The following TBC1D9 variants were observed in gnomAD, a reference collection of about 807,000 sequenced individuals.
TBC1D9 encodes the protein TBC1 domain family member 9.
In TBC1D9, 63 loss-of-function variants were observed where a neutral mutation model predicts 132.0. The observed-to-expected ratio is 0.48, with a 90% confidence interval of 0.39 to 0.59. The LOEUF is 0.59. TBC1D9 is among the 20% of genes least tolerant of loss of function. TBC1D9 has a pLI of 0.00. For missense variants in TBC1D9, 1,261 were observed against 1,592.7 expected, an observed-to-expected ratio of 0.79 and a Z score of 3.54; for synonymous variants, 610 against 609.9, an observed-to-expected ratio of 1.00 and a Z score of 0.00.
At chr4:140,728,613 C>T (rs1738536023) in intron 1 of TBC1D9, among the ~76,000 whole-genome samples, 1 of 152,014 alleles carries the variant, frequency 6.6e-6, no homozygotes, top group Non-Finnish European at 1.5e-5. Flanking sequence ...TGTGCCTCAG[C>T]CTCGCGAGTA....
intron 13 of TBC1D9, among the ~76,000 whole-genome samples, chr4:140,651,675 T>C (rs1049135917): frequency 6.6e-6 from 1 of 152,184 alleles, no homozygotes; most frequent in Non-Finnish European, 1.5e-5. Context: ...ATTTATCTGT[T>C]AGAGATACAT....
chr4:140,627,916 G>T (rs545435083), intron 17 of TBC1D9, among the ~76,000 whole-genome samples: 2 of 152,248 alleles, frequency 1.3e-5, no homozygotes, highest in Non-Finnish European at 2.9e-5. Context: ...TTGCTAGATA[G>T]ATCCCAGCTG....
In TBC1D9 at chr4:140,622,712, A is replaced by T; in HGVS notation, c.3284T>A (p.Leu1095His). The change falls in exon 21 of 21, where the codon CTC (leucine) becomes CAC (histidine). Residue 1095 changes from leucine to histidine, a missense_variant. This residue lies in a region of TBC1D9 where 618 missense variants were observed against 724.4 expected (regional missense o/e 0.85). Transcript: ENST00000442267. ...PSCHQGIPGV[L>H]FPKKGPGQPY... Reference sequence around the variant, plus strand: ...CTGGCCTGGCCCTTTCTTGGGGAAGAGCACGCCTGGGATGCCCTGGTGGCA... The same window carrying T: ...CTGGCCTGGCCCTTTCTTGGGGAAGTGCACGCCTGGGATGCCCTGGTGGCA... 6.2e-7 allele frequency: 1 copy of T among 1,610,812 alleles called. No individual in the cohort carries two copies. The highest frequency in any genetic ancestry group is 8.5e-7 in the Non-Finnish European group (1 of 1,179,562).
At chr4:140,652,992 A>C (rs1737210039) in intron 13 of TBC1D9, among the ~76,000 whole-genome samples, 1 of 152,138 alleles carries the variant, frequency 6.6e-6, no homozygotes. Flanking sequence ...GCCTTCCAGG[A>C]GGGGCATCTC....
chr4:140,647,452 T>A (rs1737120006), intron 13 of TBC1D9, among the ~76,000 whole-genome samples: 1 of 152,228 alleles, frequency 6.6e-6, no homozygotes, highest in Non-Finnish European at 1.5e-5. Context: ...ATTCAAATTA[T>A]TGTTCTTTGA....
intron 1 of TBC1D9, among the ~76,000 whole-genome samples, chr4:140,727,195 T>A (rs1321848877): frequency 2.0e-5 from 3 of 152,050 alleles, no homozygotes; most frequent in African/African-American, 7.2e-5. Flanking sequence ...CCATAATGAG[T>A]TACCATCTAA....
intron 13 of TBC1D9, chr4:140,643,261 T>A (rs1450662539): frequency 7.7e-7 from 1 of 1,302,360 alleles, no homozygotes; most frequent in Non-Finnish European, 1.1e-6. Context: ...AGCTCTGCGA[T>A]CTCGCTCAGC....
chr4:140,642,247 C>T, intron 13 of TBC1D9: 1 of 718,194 alleles, frequency 1.4e-6, no homozygotes, highest in East Asian at 2.6e-5. Context: ...TCCTCTGAGT[C>T]TGTATTGTAA....
At chr4:140,657,349 G>A in intron 12 of TBC1D9, 123 bp from the exon 13 acceptor site, 3 of 1,369,306 alleles carry the variant, frequency 2.2e-6, no homozygotes, top group Admixed American at 4.8e-5. Context: ...TTTAAAGATG[G>A]AAAGAGAGAA....
chr4:140,752,902 A>T (rs142595649), intron 1 of TBC1D9, among the ~76,000 whole-genome samples: 2 of 152,138 alleles, frequency 1.3e-5, no homozygotes, highest in South Asian at 2.1e-4. Flanking sequence ...TTCCCTACTC[A>T]TCTGTCATCT....
rs780834023 is a variant in TBC1D9 at position 140,622,717 on chromosome 4, G to T, written c.3279C>A (p.Gly1093=). 1.2e-6 allele frequency: 2 copies of T among 1,610,040 alleles called. No individual in the cohort carries two copies. The part of the protein sequence containing the change: ...SGPSCHQGIP[G]VLFPKKGPGQ... The stretch of plus-strand genomic sequence containing the variant: ...CTGGCCCTTTCTTGGGGAAGAGCAC[G>T]CCTGGGATGCCCTGGTGGCAGGACG... Residue 1093 remains glycine, a synonymous_variant, in exon 21 of 21, where the codon GGC becomes GGA. Coordinates refer to ENST00000442267, the MANE Select transcript of TBC1D9 (RefSeq NM_015130.3).
intron 1 of TBC1D9, among the ~76,000 whole-genome samples, chr4:140,745,826 T>C (rs1474819684): frequency 6.6e-6 from 1 of 152,152 alleles, no homozygotes; most frequent in Non-Finnish European, 1.5e-5. Flanking sequence ...GTTGCAACTT[T>C]ACTAATACAG....
chr4:140,717,575 A>G (rs576385598), intron 1 of TBC1D9, among the ~76,000 whole-genome samples: 1 of 152,340 alleles, frequency 6.6e-6, no homozygotes, highest in East Asian at 1.9e-4. Flanking sequence ...CTTCACTTTC[A>G]GCTGAAAATG....
intron 1 of TBC1D9, among the ~76,000 whole-genome samples, chr4:140,711,486 A>T (rs1346838830): frequency 6.6e-6 from 1 of 152,136 alleles, no homozygotes; most frequent in Non-Finnish European, 1.5e-5. Context: ...TGCAGAAGCC[A>T]CTCACTGTCC....
chr4:140,622,795 G>A lies in TBC1D9; in HGVS notation c.3201C>T (p.Gly1067=), dbSNP rs1307092336. ...TSLLLEIGEV[G]KLFVAQPAKE... ...TTGCAGGCTGGGCCACGAACAACTT[G>A]CCGACCTCCCCAATCTCCAGCAGGA... Residue 1067 remains glycine (G), a synonymous_variant, in exon 21 of 21, where the codon GGC becomes GGT. Coordinates refer to ENST00000442267, the MANE Select transcript of TBC1D9 (RefSeq NM_015130.3). 3 of 1,602,226 alleles carry A rather than the reference G, an allele frequency of 1.9e-6. No individual in the cohort carries two copies. Among genetic ancestry groups the A allele is most frequent in the Non-Finnish European group, 2.5e-6 (3 of 1,178,814 alleles).
In TBC1D9 at chr4:140,654,659, C is replaced by T. The variant is rs113741863; in HGVS notation, c.2337+2438G>A. ...CATCATACAGTACTATTCCAAAGTC[C>T]TGGGGCGATGACTTTTTTAAATGCA... On this transcript the variant is annotated intron_variant, in intron 13 of 20. Transcript: ENST00000442267. Among the ~76,000 whole-genome samples the T allele has an allele frequency of 6.6e-5, 10 of 152,228 alleles. 1 individual carries two copies. The highest frequency in any genetic ancestry group is 2.4e-4 in the African/African-American group (10 of 41,536).
chr4:140,726,296 A>AAAAAATTTT (rs1738500288), intron 1 of TBC1D9, among the ~76,000 whole-genome samples: 1 of 152,112 alleles, frequency 6.6e-6, no homozygotes, highest in South Asian at 2.1e-4. Flanking sequence ...CTCAGAAAAA[A>AAAAAATTTT]AAAAATTTTA....
At chr4:140,715,851 T>C (rs1738326739) in intron 1 of TBC1D9, 1 of 152,124 alleles carries the variant, frequency 6.6e-6, no homozygotes, top group African/African-American at 2.4e-5. Context: ...CATTTTGTGA[T>C]GGATAACGTG....
At chr4:140,709,679 G>A (rs983267116) in intron 1 of TBC1D9, among the ~76,000 whole-genome samples, 1 of 152,100 alleles carries the variant, frequency 6.6e-6, no homozygotes, top group Non-Finnish European at 1.5e-5. Flanking sequence ...TTGGCACCAG[G>A]GACTGGTTTC....
Sources: gnomAD v4.1 joint callset for allele counts (sites outside exome capture counted in the v4.1 genomes callset) on GRCh38, gnomAD v4.1.1 for gene constraint, gnomAD v4.1.1 regional missense constraint, MANE v1.5 for transcripts, NCBI Gene and HGNC (gene_info 2026-07-23, HGNC 2026-07-21) for gene names.